The following GALE variants were observed in gnomAD, a reference collection of about 807,000 sequenced individuals.
GALE encodes the protein UDP-glucose 4-epimerase.
A neutral mutation model predicts 44.1 loss-of-function variants in GALE; 32 were observed. The ratio of observed to expected loss-of-function variants is 0.73; its 90% CI spans 0.55 to 0.97. The LOEUF is 0.97. GALE is among the 50% of genes least tolerant of loss of function. The pLI is 0.00. For synonymous variants in GALE, 182 were observed against 183.5 expected (o/e 0.99, Z 0.06); for missense variants, 423 against 455.6 (o/e 0.93, Z 0.65).
In GALE at chr1:23,798,143, G is replaced by A. The variant is rs1318879581; in HGVS notation, c.325C>T (p.Leu109=). The A allele has an allele frequency of 6.2e-7, 1 of 1,614,038 alleles. No individual in the cohort carries two copies. The highest frequency in any genetic ancestry group is 1.1e-5 in the South Asian group (1 of 91,076). The change falls in exon 5 of 12, where the codon CTG becomes TTG. Residue 109 remains leucine, a synonymous_variant. Coordinates refer to ENST00000617979, the MANE Select transcript of GALE (RefSeq NM_001008216.2). The surrounding 1 kb of genome is among the most constrained non-coding windows in gnomAD (Gnocchi z 4.5). ...TCCAGAAGCTGGATGGTCCCGGTCA[G>A]GTTAACTCTGTAATAATCCAGAGGC... ...QKPLDYYRVN[L]TGTIQLLEIM...
chr1:23,796,410 G>C lies in GALE; in HGVS notation c.873+99C>G. The stretch of plus-strand genomic sequence containing the variant: ...GGCTGAGGAGACTGGGCAGTGCCAG[G>C]TACCCTCCAGAGAGGTGAGTGGGAA... On this transcript the variant is annotated intron_variant, in intron 10 of 11. Coordinates refer to ENST00000617979, the MANE Select transcript of GALE (RefSeq NM_001008216.2). This position sits in a 1 kb window ranked among gnomAD's most constrained non-coding sequence, Gnocchi z 5.2. The C allele has an allele frequency of 7.0e-7, 1 of 1,428,436 alleles. No individual in the cohort carries two copies. The highest frequency in any genetic ancestry group is 1.8e-5 in the Admixed American group (1 of 56,380). The allele number at this position is 1,428,436 out of a possible 1,614,324, so 88.5% of individuals were successfully genotyped here.
chr1:23,797,530 T>A (rs113686877), intron 6 of GALE, among the ~76,000 whole-genome samples, 165 bp downstream of exon 6: 11 of 151,956 alleles, frequency 7.2e-5, no homozygotes, highest in South Asian at 6.2e-4. Context: ...AGTTGTCTAT[T>A]TATTATCTTT....
rs1639049662 is a variant in GALE, at chr1:23,798,914, T to C, written c.94A>G (p.Ile32Val). ...CGGAAGGCATTATGGAAGTTATCGATGACCACAGGCAAGTAGCCAGCCTCC... is the reference window on the plus strand; with the variant it reads ...CGGAAGGCATTATGGAAGTTATCGACGACCACAGGCAAGTAGCCAGCCTCC... Reference protein sequence around the residue: ...LLEAGYLPVVIDNFHNAFRGG... With the variant: ...LLEAGYLPVVVDNFHNAFRGG... The change falls in exon 3 of 12, where the codon ATC becomes GTC. Residue 32 changes from isoleucine (I) to valine (V), a missense_variant. By Grantham distance (29) the Ile-to-Val change is conservative (BLOSUM62 3). Transcript: ENST00000617979. The surrounding 1 kb of genome is among the most constrained non-coding windows in gnomAD (Gnocchi z 4.5). 6.2e-7 allele frequency: 1 copy of C among 1,614,174 alleles called. No homozygotes were observed. Among genetic ancestry groups the C allele is most frequent in the East Asian group, 2.2e-5 (1 of 44,882 alleles).
Position 23,799,385 on chromosome 1 carries a change from G to A in GALE, c.-25C>T, listed in dbSNP as rs1467700190. ...ACTTGCCTTGGAGTTGGAAAAGATG[G>A]AATCTGAGGATCCACACTTCTTTGT... On this transcript the variant is annotated 5_prime_UTR_variant, in exon 2 of 12. Transcript: ENST00000617979. 2.9e-6 allele frequency: 1 copy of A among 349,098 alleles called. No individual in the cohort carries two copies. The highest frequency in any genetic ancestry group is 5.6e-6 in the Non-Finnish European group (1 of 179,356). 21.6% of individuals were successfully genotyped at this position (349,098 alleles called of 1,614,324 possible). A position where few individuals can be genotyped will look rare whatever the true frequency, so the allele number is the denominator to read the frequency against.
chr1:23,796,009 T>C lies in GALE; in HGVS notation c.989-2A>G. On this transcript the variant is annotated splice_acceptor_variant, in intron 11 of 11. Coordinates refer to ENST00000617979, the MANE Select transcript of GALE (RefSeq NM_001008216.2). LOFTEE classifies it high-confidence loss of function. This position sits in a 1 kb window ranked among gnomAD's most constrained non-coding sequence, Gnocchi z 5.2. Reference sequence around the variant, plus strand: ...TCTGCCAGCGCCAGAGATCCTCACCTGCAACACGGCGAGGTGTGTGCTCAG... The same window carrying C: ...TCTGCCAGCGCCAGAGATCCTCACCCGCAACACGGCGAGGTGTGTGCTCAG... 6.2e-7 allele frequency: 1 copy of C among 1,613,900 alleles called. No individual in the cohort carries two copies. Among genetic ancestry groups the C allele is most frequent in the Non-Finnish European group, 8.5e-7 (1 of 1,179,888 alleles).
In GALE at chr1:23,798,056, G is replaced by T; in HGVS notation, c.351+61C>A. On this transcript the variant is annotated intron_variant, in intron 5 of 11. Transcript: ENST00000617979. The surrounding 1 kb of genome is among the most constrained non-coding windows in gnomAD (Gnocchi z 4.5). ...TTGGGCTCTGTGTTTGGCACTGCCT[G>T]CCAGGCTGGGGTCCAGCTGGACACC... 6.9e-7 allele frequency: 1 copy of T among 1,441,858 alleles called. No individual in the cohort carries two copies. Among genetic ancestry groups the T allele is most frequent in the Non-Finnish European group, 9.8e-7 (1 of 1,022,832 alleles). 89.3% of individuals were successfully genotyped at this position (1,441,858 alleles called of 1,614,324 possible). A position where few individuals can be genotyped will look rare whatever the true frequency, so the allele number is the denominator to read the frequency against.
intron 2 of GALE, 117 bp from the exon 3 acceptor site, chr1:23,799,129 A>G (rs1380769855): frequency 1.4e-6 from 2 of 1,392,228 alleles, no homozygotes; most frequent in African/African-American, 2.9e-5. Flanking sequence ...TGCCCTAGGT[A>G]CCAGACTGGC....
At position 23,798,477 on chromosome 1, in the gene GALE, G is replaced by T. The variant is rs573271975; in HGVS notation, c.237+138C>A. 6.9e-6 allele frequency: 5 copies of T among 727,486 alleles called. No homozygotes were observed. The highest frequency in any genetic ancestry group is 9.6e-6 in the Non-Finnish European group (4 of 417,768). The allele number at this position is 727,486 out of a possible 1,614,324, so 45.1% of individuals were successfully genotyped here. ...GGGCTACCATGCCCAGCTAATTTTT[G>T]TATTTTTCTGTAGAGATGGGGTTTC... On this transcript the variant is annotated intron_variant, in intron 4 of 11. Coordinates refer to ENST00000617979, the MANE Select transcript of GALE (RefSeq NM_001008216.2). This position sits in a 1 kb window ranked among gnomAD's most constrained non-coding sequence, Gnocchi z 4.5.
Position 23,796,488 on chromosome 1 carries a change from G to A in GALE, c.873+21C>T. On this transcript the variant is annotated intron_variant, in intron 10 of 11. Coordinates refer to ENST00000617979, the MANE Select transcript of GALE (RefSeq NM_001008216.2). This position sits in a 1 kb window ranked among gnomAD's most constrained non-coding sequence, Gnocchi z 5.2. ...CTGGGTGGGGTGAGGTGGGTGAGGTGGGTGGGGCGGGGGGGCCTACCTTCT... is the reference window on the plus strand; with the variant it reads ...CTGGGTGGGGTGAGGTGGGTGAGGTAGGTGGGGCGGGGGGGCCTACCTTCT... 1 of 1,608,512 alleles carries A rather than the reference G, an allele frequency of 6.2e-7. No individual in the cohort carries two copies. The highest frequency in any genetic ancestry group is 2.2e-4 in the Middle Eastern group (1 of 4,498).
chr1:23,798,101 G>A lies in GALE; in HGVS notation c.351+16C>T, dbSNP rs779618350. ...GACACCCTCCTAGTGTCTGTGCCCTGTCCCATGCCTCTCACCTCCAGAAGC... is the reference window on the plus strand; with the variant it reads ...GACACCCTCCTAGTGTCTGTGCCCTATCCCATGCCTCTCACCTCCAGAAGC... On this transcript the variant is annotated intron_variant, in intron 5 of 11. Transcript: ENST00000617979. The surrounding 1 kb of genome is among the most constrained non-coding windows in gnomAD (Gnocchi z 4.5). 3 of 1,590,940 alleles carry A rather than the reference G, an allele frequency of 1.9e-6. No homozygotes were observed. In the African/African-American group the frequency reaches 4.0e-5, roughly 21 times the overall value.
Position 23,798,707 on chromosome 1 carries a change from G to T in GALE, c.145C>A (p.Leu49Met), listed in dbSNP as rs377475789. ...FRGGGSLPES[L>M]RRVQELTGRS... ...CCTGTCAGCTCCTGGACCCGCCGCA[G>T]GCTCTCAGGCAGGGAGCCCCCTCCT... Residue 49 changes from leucine (L) to methionine (M), a missense_variant, in exon 4 of 12, where the codon CTG becomes ATG. By Grantham distance (15) the Leu-to-Met change is conservative (BLOSUM62 2). Coordinates refer to ENST00000617979, the MANE Select transcript of GALE (RefSeq NM_001008216.2). The surrounding 1 kb of genome is among the most constrained non-coding windows in gnomAD (Gnocchi z 4.5). 3 of 1,614,056 alleles carry T rather than the reference G, an allele frequency of 1.9e-6. No homozygotes were observed. The highest frequency in any genetic ancestry group is 1.3e-5 in the African/African-American group (1 of 75,062).
At position 23,798,451 on chromosome 1, in the gene GALE, T is replaced by G; in HGVS notation, c.237+164A>C. The G allele has an allele frequency of 7.2e-6, 5 of 693,660 alleles. No homozygotes were observed. The highest frequency in any genetic ancestry group is 1.3e-5 in the Non-Finnish European group (5 of 391,000). The allele number at this position is 693,660 out of a possible 1,614,324, so 43.0% of individuals were successfully genotyped here. ...TCCCGAGTAGCTGGGACCACAGGTA[T>G]GGGCTACCATGCCCAGCTAATTTTT... On this transcript the variant is annotated intron_variant, in intron 4 of 11. Transcript: ENST00000617979. This position sits in a 1 kb window ranked among gnomAD's most constrained non-coding sequence, Gnocchi z 4.5.
rs964701103 is a variant in GALE, at chr1:23,797,826, C to G, written c.397G>C (p.Ala133Pro). ...TACTGGGGGTTCCCGTACACAGTGG[C>G]TGAGCTGCTGAACACCAGGTTCTTC... Reference protein sequence around the residue: ...GVKNLVFSSSATVYGNPQYLP... With the variant: ...GVKNLVFSSSPTVYGNPQYLP... The change falls in exon 6 of 12, where the codon GCC (alanine) becomes CCC (proline). Residue 133 changes from alanine to proline, a missense_variant. Transcript: ENST00000617979. 1.1e-5 allele frequency: 17 copies of G among 1,614,112 alleles called. No individual in the cohort carries two copies. The highest frequency in any genetic ancestry group is 1.4e-5 in the Non-Finnish European group (16 of 1,180,048).
Position 23,795,631 on chromosome 1 carries a change from A to ATACT in GALE, c.*314_*317dup. 2.0e-6 allele frequency: 1 copy of ATACT among 488,466 alleles called. No individual in the cohort carries two copies. Among genetic ancestry groups the ATACT allele is most frequent in the South Asian group, 2.5e-5 (1 of 40,048 alleles). 30.3% of individuals were successfully genotyped at this position (488,466 alleles called of 1,614,324 possible). ...TAAGAAAACTTGTTTTTATTTTTAA[A>ATACT]TACTTTGGAAAGCTCTTTCAGAGCA... On this transcript the variant is annotated 3_prime_UTR_variant, in exon 12 of 12. Coordinates refer to ENST00000617979, the MANE Select transcript of GALE (RefSeq NM_001008216.2).
Position 23,796,493 on chromosome 1 carries a change from G to C in GALE, c.873+16C>G. ...TGGGGTGAGGTGGGTGAGGTGGGTG[G>C]GGCGGGGGGGCCTACCTTCTTCCCA... is the stretch of plus-strand genomic sequence containing the variant. On this transcript the variant is annotated intron_variant, in intron 10 of 11. Transcript: ENST00000617979. The surrounding 1 kb of genome is among the most constrained non-coding windows in gnomAD (Gnocchi z 5.2). 6.2e-7 allele frequency: 1 copy of C among 1,605,804 alleles called. No individual in the cohort carries two copies. The highest frequency in any genetic ancestry group is 8.5e-7 in the Non-Finnish European group (1 of 1,175,646).
rs1336706380 is a variant in GALE, at chr1:23,798,325, T to C, written c.238-95A>G. The C allele has an allele frequency of 2.5e-5, 22 of 887,598 alleles. No homozygotes were observed. Among genetic ancestry groups the C allele is most frequent in the East Asian group, 5.2e-5 (2 of 38,640 alleles). The allele number at this position is 887,598 out of a possible 1,614,324, so 55.0% of individuals were successfully genotyped here. A position where few individuals can be genotyped will look rare whatever the true frequency, so the allele number is the denominator to read the frequency against. On this transcript the variant is annotated intron_variant, in intron 4 of 11. Coordinates refer to ENST00000617979, the MANE Select transcript of GALE (RefSeq NM_001008216.2). This position sits in a 1 kb window ranked among gnomAD's most constrained non-coding sequence, Gnocchi z 4.5. Reference sequence around the variant, plus strand: ...CCTGCACTCACCTTTTTTTTTTTTTTTGACAGTCTCGCTCTGTTGTCCAGG... The same window carrying C: ...CCTGCACTCACCTTTTTTTTTTTTTCTGACAGTCTCGCTCTGTTGTCCAGG...
chr1:23,799,080 TC>T lies in GALE; in HGVS notation c.-5-69del, dbSNP rs1639054506. ...GCTCAGAGCTTCCTTCCCACTGGAATCCTGCCCCCTAAGCTCGCTTTGGAAG... is the reference window on the plus strand; with the variant it reads ...GCTCAGAGCTTCCTTCCCACTGGAATCTGCCCCCTAAGCTCGCTTTGGAAG... On this transcript the variant is annotated intron_variant, in intron 2 of 11. Coordinates refer to ENST00000617979, the MANE Select transcript of GALE (RefSeq NM_001008216.2). The T allele has an allele frequency of 1.9e-6, 3 of 1,607,552 alleles. No individual in the cohort carries two copies. In the East Asian group the frequency reaches 6.7e-5, roughly 36 times the overall value.
In GALE at chr1:23,799,167, G is replaced by C. The variant is rs537835035; in HGVS notation, c.-5-155C>G. On this transcript the variant is annotated intron_variant, in intron 2 of 11. Coordinates refer to ENST00000617979, the MANE Select transcript of GALE (RefSeq NM_001008216.2). ...AGAAGTCAGCCCTGGGGCAAGTCTGGGTACCATCACTTTCTGGCCTTAGGC... is the reference window on the plus strand; with the variant it reads ...AGAAGTCAGCCCTGGGGCAAGTCTGCGTACCATCACTTTCTGGCCTTAGGC... 223 of 909,294 alleles carry C rather than the reference G, an allele frequency of 2.5e-4. No individual in the cohort carries two copies. In the African/African-American group the frequency reaches 2.6e-3, roughly 11 times the overall value. 56.3% of individuals were successfully genotyped at this position (909,294 alleles called of 1,614,324 possible). A position where few individuals can be genotyped will look rare whatever the true frequency, so the allele number is the denominator to read the frequency against.
Position 23,795,643 on chromosome 1 carries a change from GCT to G in GALE, c.*304_*305del. 1.9e-6 allele frequency: 1 copy of G among 528,664 alleles called. No individual in the cohort carries two copies. The highest frequency in any genetic ancestry group is 2.3e-5 in the South Asian group (1 of 42,650). The allele number at this position is 528,664 out of a possible 1,614,324, so 32.7% of individuals were successfully genotyped here. On this transcript the variant is annotated 3_prime_UTR_variant, in exon 12 of 12. Transcript: ENST00000617979. Reference sequence around the variant, plus strand: ...TTTTTATTTTTAAATACTTTGGAAAGCTCTTTCAGAGCAATATAAATGAGTGC... The same window carrying G: ...TTTTTATTTTTAAATACTTTGGAAAGCTTTCAGAGCAATATAAATGAGTGC...
Sources: gnomAD v4.1 joint callset for allele counts (sites outside exome capture counted in the v4.1 genomes callset) on GRCh38, gnomAD v4.1.1 for gene constraint, Gnocchi (gnomAD v3.1) non-coding constraint, MANE v1.5 for transcripts, NCBI Gene and HGNC (gene_info 2026-07-23, HGNC 2026-07-21) for gene names.